Variants in TRIO observed in about 807,000 individuals in gnomAD.
TRIO encodes trio Rho guanine nucleotide exchange factor, also known as triple functional domain protein.
In TRIO, 58 loss-of-function variants were observed where a neutral mutation model predicts 351.9. The observed-to-expected ratio is 0.16, with a 90% CI of 0.13 to 0.21. TRIO has a LOEUF of 0.21. Ranked by LOEUF, TRIO falls within the 10% of genes least tolerant of loss-of-function variation. The pLI is 1.00. For missense variants in TRIO, 3,201 were observed against 4,027.8 expected, an observed-to-expected ratio of 0.79 and a Z score of 5.56; for synonymous variants, 1,758 against 1,595.7, an observed-to-expected ratio of 1.10 and a Z score of -2.42.
At chr5:14,455,594 T>G (rs1753227057) in intron 34 of TRIO, among the ~76,000 whole-genome samples, 1 of 152,112 alleles carries the variant, frequency 6.6e-6, no homozygotes, top group African/African-American at 2.4e-5. Context: ...GAGTGCTGAT[T>G]GGTGCATTTA....
Position 14,291,124 on chromosome 5 carries a change from C to A in TRIO, c.949C>A (p.Arg317=). Residue 317 remains arginine (R), a synonymous_variant, in exon 5 of 57, where the codon CGG becomes AGG. Transcript: ENST00000344204. ...GCCCAAGGTGTCCACCATGCTGGAC[C>A]GGCTGCACTCGACACGGCAGCATCT... The part of the protein sequence containing the change: ...LLPKVSTMLD[R]LHSTRQHLHQ... 6.2e-7 allele frequency: 1 copy of A among 1,614,056 alleles called. No individual in the cohort carries two copies. The highest frequency in any genetic ancestry group is 8.5e-7 in the Non-Finnish European group (1 of 1,180,028).
At chr5:14,169,128 A>G (rs977317167) in intron 1 of TRIO, among the ~76,000 whole-genome samples, 14 of 150,960 alleles carry the variant, frequency 9.3e-5, no homozygotes, top group Admixed American at 1.3e-4. Context: ...ATTAAAGGGA[A>G]ATTTGAGACA....
chr5:14,205,622 T>G (rs1408061534), intron 1 of TRIO, among the ~76,000 whole-genome samples: 1 of 152,250 alleles, frequency 6.6e-6, no homozygotes, highest in East Asian at 1.9e-4. Flanking sequence ...ATCTGGCTAC[T>G]GTGTTATTAA....
chr5:14,255,051 A>G (rs1794954424), intron 1 of TRIO, among the ~76,000 whole-genome samples: 1 of 152,152 alleles, frequency 6.6e-6, no homozygotes, highest in Non-Finnish European at 1.5e-5. Context: ...TTAGAATCCA[A>G]AATTGATTTC....
At chr5:14,201,865 C>A (rs1409984162) in intron 1 of TRIO, among the ~76,000 whole-genome samples, 1 of 149,122 alleles carries the variant, frequency 6.7e-6, no homozygotes, top group East Asian at 2.0e-4. Flanking sequence ...TTGACAGTTT[C>A]AAGAAAAAAG....
chr5:14,377,424 T>A (rs1745658280), intron 19 of TRIO, among the ~76,000 whole-genome samples: 1 of 152,092 alleles, frequency 6.6e-6, no homozygotes. Flanking sequence ...TTTTGTATTT[T>A]TAGTAGAGAC....
intron 34 of TRIO, among the ~76,000 whole-genome samples, chr5:14,448,483 A>G (rs1471781385): frequency 6.6e-6 from 1 of 152,180 alleles, no homozygotes; most frequent in Non-Finnish European, 1.5e-5. Flanking sequence ...AGGGAACCGG[A>G]TCTCCCCTGA....
At chr5:14,410,473 G>T (rs919939538) in intron 33 of TRIO, among the ~76,000 whole-genome samples, 5 of 152,206 alleles carry the variant, frequency 3.3e-5, no homozygotes, top group African/African-American at 1.2e-4. Flanking sequence ...CATCTCCGGT[G>T]ACGGTAATTT....
At chr5:14,360,440 A>G (rs1744046327) in intron 13 of TRIO, among the ~76,000 whole-genome samples, 1 of 152,214 alleles carries the variant, frequency 6.6e-6, no homozygotes, top group African/African-American at 2.4e-5. Context: ...CGCTTCTTAC[A>G]GCTGGTGGCT....
chr5:14,479,690 A>G (rs188085384), intron 42 of TRIO, among the ~76,000 whole-genome samples: 2 of 152,270 alleles, frequency 1.3e-5, no homozygotes, highest in African/African-American at 2.4e-5. Context: ...AAATAATGCA[A>G]TTGAAAAAAT....
intron 1 of TRIO, among the ~76,000 whole-genome samples, chr5:14,265,082 T>TC (rs1427064997): frequency 7.1e-6 from 1 of 140,436 alleles, no homozygotes; most frequent in African/African-American, 2.6e-5. Context: ...TATGTAGGAT[T>TC]CTTTTTTTTT....
chr5:14,387,002 C>A (rs949936677), intron 21 of TRIO, among the ~76,000 whole-genome samples: 2 of 152,240 alleles, frequency 1.3e-5, no homozygotes. Context: ...AGTCAGATGA[C>A]TGCTTGCCCC....
At chr5:14,287,229 T>C (rs1736524175) in intron 4 of TRIO, 166 bp downstream of exon 4, 1 of 684,294 alleles carries the variant, frequency 1.5e-6, no homozygotes, top group Non-Finnish European at 2.4e-6. Flanking sequence ...ATAACAGAGC[T>C]GCGTTCATCA....
At chr5:14,336,835 A>G (rs1741461808) in intron 11 of TRIO, 108 bp downstream of exon 11, 2 of 1,238,676 alleles carry the variant, frequency 1.6e-6, no homozygotes, top group African/African-American at 3.0e-5. Flanking sequence ...AAAGGTGGCA[A>G]GTTGTAAGAT....
intron 7 of TRIO, among the ~76,000 whole-genome samples, chr5:14,300,004 A>G (rs1264909443): frequency 6.6e-6 from 1 of 152,226 alleles, no homozygotes; most frequent in African/African-American, 2.4e-5. Flanking sequence ...TAGATGCTAT[A>G]ACTTCCATAG....
intron 1 of TRIO, among the ~76,000 whole-genome samples, chr5:14,263,270 A>G (rs1435174472): frequency 1.3e-5 from 2 of 152,182 alleles, no homozygotes; most frequent in African/African-American, 4.8e-5. Flanking sequence ...CCCCAACTCC[A>G]TGCAGAGCTA....
chr5:14,177,212 AT>A (rs1789459727), intron 1 of TRIO, among the ~76,000 whole-genome samples: 1 of 152,238 alleles, frequency 6.6e-6, no homozygotes, highest in African/African-American at 2.4e-5. Flanking sequence ...TTTATGTTAT[AT>A]ACGTGAGAAA....
chr5:14,452,335 G>T (rs1752903253), intron 34 of TRIO, among the ~76,000 whole-genome samples: 2 of 152,212 alleles, frequency 1.3e-5, no homozygotes, highest in South Asian at 2.1e-4. Flanking sequence ...CCCTCATACT[G>T]TGTTAGGCTA....
At chr5:14,148,284 GACCTTTTAAATGTT>G (rs1787631104) in intron 1 of TRIO, among the ~76,000 whole-genome samples, 1 of 152,042 alleles carries the variant, frequency 6.6e-6, no homozygotes, top group South Asian at 2.1e-4. Context: ...GGCCTTTTTT[GACCTTTTAAATGTT>G]ACGATAAAGT....
Sources: gnomAD v4.1 joint callset for allele counts (sites outside exome capture counted in the v4.1 genomes callset) on GRCh38, gnomAD v4.1.1 for gene constraint, MANE v1.5 for transcripts, NCBI Gene and HGNC (gene_info 2026-07-23, HGNC 2026-07-21) for gene names.